Variants in MYLK3 observed in about 807,000 individuals in gnomAD.
The protein encoded by MYLK3 is MLC kinase.
Under a neutral mutation model 76.3 loss-of-function variants are expected in MYLK3, and 55 were observed. That is an observed-to-expected ratio of 0.72 (90% confidence interval 0.58 to 0.90). The LOEUF (loss-of-function observed/expected upper bound fraction) is 0.90. Ranked by LOEUF, MYLK3 falls within the 40% of genes least tolerant of loss-of-function variation. The pLI, the probability that MYLK3 is intolerant of heterozygous loss-of-function variation, is 0.00. For synonymous variants in MYLK3, 416 were observed against 425.4 expected, an observed-to-expected ratio of 0.98 and a Z score of 0.27; for missense variants, 973 against 1,053.6, an observed-to-expected ratio of 0.92 and a Z score of 1.06.
intron 3 of MYLK3, 65 bp downstream of exon 3, chr16:46,737,646 C>A: frequency 6.8e-7 from 1 of 1,476,674 alleles, no homozygotes; most frequent in Non-Finnish European, 9.2e-7. Context: ...CTGCCCACGG[C>A]CGAGCTCCAG....
In MYLK3 at chr16:46,747,779, C is replaced by A. The variant is rs1200348016; in HGVS notation, c.415G>T (p.Asp139Tyr). ...GGCACACGCCCCTGCATGAGGAAAT[C>A]CGCCACCTTTGATTTCTGGAACGTG... ...GATFQKSKVADFLMQGRVPWR... is the reference protein window; with the variant it reads ...GATFQKSKVAYFLMQGRVPWR... The change falls in exon 1 of 13, where the codon GAT (aspartate) becomes TAT (tyrosine). Residue 139 changes from aspartate (D) to tyrosine (Y), a missense_variant. Physicochemically the swap from Asp to Tyr is radical, Grantham distance 160 (BLOSUM62 -3). Coordinates refer to ENST00000394809, the MANE Select transcript of MYLK3 (RefSeq NM_182493.3). 6 of 1,614,218 alleles carry A rather than the reference C, an allele frequency of 3.7e-6. No individual in the cohort carries two copies. The Admixed American group carries it at 1.0e-4, about 27-fold the overall frequency.
chr16:46,746,416 T>C (rs1290068614), intron 1 of MYLK3, among the ~76,000 whole-genome samples: 2 of 152,094 alleles, frequency 1.3e-5, no homozygotes, highest in South Asian at 4.2e-4. Context: ...TATAATTAAA[T>C]TAAATTTCTT....
chr16:46,748,796 C>T (rs1245360172), upstream of MYLK3, among the ~76,000 whole-genome samples: 2 of 152,216 alleles, frequency 1.3e-5, no homozygotes, highest in East Asian at 3.9e-4. This position sits in a 1 kb window ranked among gnomAD's most constrained non-coding sequence, Gnocchi z 4.3. Context: ...ACTTCAGGTG[C>T]CCCTACTACA....
At chr16:46,723,582 C>T (rs543934655) in intron 8 of MYLK3, among the ~76,000 whole-genome samples, 31 of 151,192 alleles carry the variant, frequency 2.1e-4, no homozygotes, top group Admixed American at 1.9e-3. Flanking sequence ...TTTTAAAAAG[C>T]GAATGCACAT....
rs181823006 is a variant in MYLK3 at position 46,715,500 on chromosome 16, G to A, written c.1986-2724C>T. On this transcript the variant is annotated intron_variant, in intron 9 of 12. Transcript: ENST00000394809. ...TGGCCATAAGGTCAAATAGGAGACC[G>A]TATCCTCACAGGGCTCGGGGAAGGC... Among the ~76,000 whole-genome samples, 581 of 152,282 alleles carry A rather than the reference G, an allele frequency of 3.8e-3. 4 individuals carry two copies. Among genetic ancestry groups the A allele is most frequent in the African/African-American group, 0.013 (556 of 41,540 alleles).
At position 46,721,140 on chromosome 16, in the gene MYLK3, G is replaced by T. The variant is rs753666933; in HGVS notation, c.1968C>A (p.Asp656Glu). Residue 656 changes from aspartate (D) to glutamate (E), a missense_variant, in exon 9 of 13, where the codon GAC becomes GAA. Transcript: ENST00000394809. ...NQTGHQIKIIDFGLARRYKPR... is the reference protein window; with the variant it reads ...NQTGHQIKIIEFGLARRYKPR... ...CCCCTTACCTTCTGGCCAGCCCAAA[G>T]TCAATGATCTTAATTTGATGTCCTG... The T allele has an allele frequency of 6.2e-7, 1 of 1,614,182 alleles. No individual in the cohort carries two copies. Among genetic ancestry groups the T allele is most frequent in the Non-Finnish European group, 8.5e-7 (1 of 1,180,010 alleles).
intron 1 of MYLK3, among the ~76,000 whole-genome samples, chr16:46,753,892 G>A (rs1967163211): frequency 6.6e-6 from 1 of 152,160 alleles, no homozygotes; most frequent in Non-Finnish European, 1.5e-5. Flanking sequence ...CAACCAGGGT[G>A]ACAGGACGAG....
intron 8 of MYLK3, among the ~76,000 whole-genome samples, chr16:46,721,910 C>T (rs1966803841): frequency 6.6e-6 from 1 of 152,058 alleles, no homozygotes. Context: ...AGAAAAAGTC[C>T]CAGTGCCGAG....
At chr16:46,727,399 C>A (rs1172969487) in intron 7 of MYLK3, 22 bp from the exon 8 acceptor site, 33 of 1,594,564 alleles carry the variant, frequency 2.1e-5, no homozygotes, top group Non-Finnish European at 2.5e-5. Flanking sequence ...AAGGGAGAGG[C>A]AGGCACCAGC....
chr16:46,719,646 G>A (rs1966779701), intron 9 of MYLK3, among the ~76,000 whole-genome samples: 1 of 152,344 alleles, frequency 6.6e-6, no homozygotes, highest in African/African-American at 2.4e-5. Context: ...TGAGTGGGGT[G>A]CTGGGCTGCT....
At chr16:46,757,399 C>A in intron 1 of MYLK3, 1 of 985,480 alleles carries the variant, frequency 1.0e-6, no homozygotes, top group South Asian at 4.7e-5. Context: ...CTTCAAAGCA[C>A]ACTTGCCCAG....
chr16:46,710,819 G>A, intron 10 of MYLK3, 30 bp from the exon 11 acceptor site: 2 of 1,613,434 alleles, frequency 1.2e-6, no homozygotes, highest in Non-Finnish European at 1.7e-6. Context: ...CCATCAGTAG[G>A]TGGAGGCCAC....
At chr16:46,741,644 C>T (rs1031839607) in intron 1 of MYLK3, among the ~76,000 whole-genome samples, 7 of 152,156 alleles carry the variant, frequency 4.6e-5, no homozygotes, top group African/African-American at 7.2e-5. Flanking sequence ...CAAGAGAGGC[C>T]GCTGTATCAG....
In MYLK3 at chr16:46,738,142, C is replaced by G. The variant is rs770673174; in HGVS notation, c.570G>C (p.Glu190Asp). 6.6e-6 allele frequency: 10 copies of G among 1,522,738 alleles called. No homozygotes were observed. The East Asian group carries it at 6.8e-5, about 10-fold the overall frequency. The allele number at this position is 1,522,738 out of a possible 1,614,324, so 94.3% of individuals were successfully genotyped here. The change falls in exon 3 of 13, where the codon GAG (glutamate) becomes GAC (aspartate). Residue 190 changes from glutamate to aspartate, a missense_variant and splice_region_variant. Around this residue, in one of 2 missense-constraint regions of MYLK3, gnomAD observed 641 missense variants for 637.0 expected, o/e 1.01. Transcript: ENST00000394809. ...CCTCCAGCACGTCCGCCTTCTGGCT[C>G]TCTACAGGAAAACAGGCAGGACAAA... ...VQSDAREPGE[E>D]SQKADVLEGT...
intron 3 of MYLK3, 67 bp downstream of exon 3, chr16:46,737,644 G>A (rs1031138281): frequency 2.7e-5 from 40 of 1,458,840 alleles, no homozygotes; most frequent in East Asian, 6.9e-5. Flanking sequence ...TGCTGCCCAC[G>A]GCCGAGCTCC....
At position 46,709,555 on chromosome 16, in the gene MYLK3, G is replaced by A; in HGVS notation, c.2384C>T (p.Ala795Val). Residue 795 changes from alanine (A) to valine (V), a missense_variant, in exon 12 of 13, where the codon GCT (alanine) becomes GTT (valine). Transcript: ENST00000394809. ...ACCAAATACCTTCCATTTTCTTTGA[G>A]CTATGTATTTCTGCAGCAGTAGTTG... ...KSQLLLQKYI[A>V]QRKWKKHFYV... 1 of 1,613,968 alleles carries A rather than the reference G, an allele frequency of 6.2e-7. No individual in the cohort carries two copies. Among genetic ancestry groups the A allele is most frequent in the Non-Finnish European group, 8.5e-7 (1 of 1,179,980 alleles).
chr16:46,750,069 G>A (rs992974445), upstream of MYLK3, among the ~76,000 whole-genome samples: 1 of 152,210 alleles, frequency 6.6e-6, no homozygotes, highest in Non-Finnish European at 1.5e-5. Flanking sequence ...TCCCTCTGGG[G>A]ATTCACCGTG....
At chr16:46,723,426 G>A (rs928792728) in intron 8 of MYLK3, among the ~76,000 whole-genome samples, 1 of 152,042 alleles carries the variant, frequency 6.6e-6, no homozygotes, top group South Asian at 2.1e-4. Context: ...TACACTTTTG[G>A]CTATTATAAG....
At chr16:46,750,959 C>T (rs568523925), upstream of MYLK3, among the ~76,000 whole-genome samples, 30 of 152,258 alleles carry the variant, frequency 2.0e-4, no homozygotes, top group Non-Finnish European at 3.5e-4. Context: ...CGCCATTGCA[C>T]TCCAGCCTGG....
Sources: gnomAD v4.1 joint callset for allele counts (sites outside exome capture counted in the v4.1 genomes callset) on GRCh38, gnomAD v4.1.1 for gene constraint, gnomAD v4.1.1 regional missense constraint, Gnocchi (gnomAD v3.1) non-coding constraint, MANE v1.5 for transcripts, NCBI Gene and HGNC (gene_info 2026-07-23, HGNC 2026-07-21) for gene names.